The following SEMA3D variants were observed in gnomAD, a reference collection of about 807,000 sequenced individuals.
SEMA3D encodes the protein semaphorin-3D.
SEMA3D carries 84 observed loss-of-function variants against 100.1 expected under a neutral mutation model. The ratio of observed to expected loss-of-function variants is 0.84; its 90% CI spans 0.70 to 1.01. SEMA3D has a LOEUF of 1.01. SEMA3D is among the 50% of genes least tolerant of loss of function. SEMA3D has a pLI of 0.00. For missense variants in SEMA3D, 875 were observed against 934.1 expected (o/e 0.94, Z 0.82); for synonymous variants, 312 against 320.7 (o/e 0.97, Z 0.29).
rs534412425 is a variant in SEMA3D at position 85,052,338 on chromosome 7, T to C, written c.861+3379A>G. 2.6e-4 allele frequency among the ~76,000 whole-genome samples: 40 copies of C among 152,064 alleles called. No homozygotes were observed. The East Asian group carries it at 4.1e-3, about 15-fold the overall frequency. ...AGGATAGAGTTCACACTGACTAACATGGAAACAAAACTTCTTATCAACCAA... is the reference window on the plus strand; with the variant it reads ...AGGATAGAGTTCACACTGACTAACACGGAAACAAAACTTCTTATCAACCAA... On this transcript the variant is annotated intron_variant, in intron 9 of 18. Coordinates refer to ENST00000284136, the MANE Select transcript of SEMA3D (RefSeq NM_001384900.1).
At chr7:85,077,342 A>G (rs570310805) in intron 5 of SEMA3D, among the ~76,000 whole-genome samples, 3 of 152,164 alleles carry the variant, frequency 2.0e-5, no homozygotes, top group Non-Finnish European at 4.4e-5. Context: ...ATAAAGTGAT[A>G]AAGAATATGT....
chr7:85,189,471 G>A (rs1429112661), upstream of SEMA3D, among the ~76,000 whole-genome samples: 19 of 151,952 alleles, frequency 1.3e-4, no homozygotes, highest in South Asian at 2.3e-3. Flanking sequence ...AAACCCAGTG[G>A]GAAAAAAAGT....
At chr7:85,183,432 A>G (rs1583997315) in intron 1 of SEMA3D, among the ~76,000 whole-genome samples, 1 of 152,324 alleles carries the variant, frequency 6.6e-6, no homozygotes, top group East Asian at 1.9e-4. Context: ...CTCAAGTTCA[A>G]ACCTGAAGTC....
At chr7:85,112,798 T>C (rs1583934948) in intron 3 of SEMA3D, among the ~76,000 whole-genome samples, 2 of 152,210 alleles carry the variant, frequency 1.3e-5, no homozygotes, top group Admixed American at 1.3e-4. Context: ...TAGCACTGTC[T>C]GAAATGATAT....
At chr7:85,131,269 T>C (rs1373119799) in intron 2 of SEMA3D, among the ~76,000 whole-genome samples, 1 of 152,060 alleles carries the variant, frequency 6.6e-6, no homozygotes, top group African/African-American at 2.4e-5. Context: ...AAAATAATTT[T>C]AATTCTTTGA....
chr7:85,004,543 T>C (rs1003810660), intron 18 of SEMA3D, among the ~76,000 whole-genome samples: 1 of 152,066 alleles, frequency 6.6e-6, no homozygotes, highest in African/African-American at 2.4e-5. Flanking sequence ...AACTGACTCA[T>C]GACCTCCCGT....
chr7:85,168,705 C>G (rs1031289511), intron 1 of SEMA3D, among the ~76,000 whole-genome samples: 1 of 149,324 alleles, frequency 6.7e-6, no homozygotes, highest in African/African-American at 2.5e-5. Context: ...AGAGCTATTC[C>G]CCTCTGAACA....
chr7:85,085,587 T>A (rs1009343544), intron 4 of SEMA3D, among the ~76,000 whole-genome samples: 3 of 152,136 alleles, frequency 2.0e-5, no homozygotes, highest in Non-Finnish European at 4.4e-5. Flanking sequence ...AGCCAAGGCA[T>A]CAAATTGAGG....
chr7:85,141,584 G>T, intron 2 of SEMA3D: 1 of 984,196 alleles, frequency 1.0e-6, no homozygotes, highest in Non-Finnish European at 1.2e-6. Flanking sequence ...AATTACTTAA[G>T]TTCCCTTCTT....
Position 84,999,507 on chromosome 7 carries a change from A to T in SEMA3D, c.2267T>A (p.Met756Lys). Residue 756 changes from methionine to lysine, a missense_variant, in exon 19 of 19, where the codon ATG becomes AAG. By Grantham distance (95) the Met-to-Lys change is moderately conservative. Transcript: ENST00000284136. ...GGPKWKHMQE[M>K]KKKRNRRHHR... ...ATGTCTTCGATTTCGTTTCTTCTTC[A>T]TTTCCTGCATGTGCTTCCACTTTGG... is the stretch of plus-strand genomic sequence containing the variant. 1 of 1,613,898 alleles carries T rather than the reference A, an allele frequency of 6.2e-7. No homozygotes were observed. The highest frequency in any genetic ancestry group is 8.5e-7 in the Non-Finnish European group (1 of 1,179,994).
chr7:85,171,837 ATTGAC>A (rs1434758129), intron 1 of SEMA3D, among the ~76,000 whole-genome samples: 1 of 152,018 alleles, frequency 6.6e-6, no homozygotes, highest in Non-Finnish European at 1.5e-5. Context: ...TGAACTTTGA[ATTGAC>A]TTGACTCAGT....
chr7:85,225,685 G>A, the SEMA3D span, among the ~76,000 whole-genome samples: 4 of 152,050 alleles, frequency 2.6e-5, no homozygotes, highest in South Asian at 4.2e-4. Context: ...TGTAACACAC[G>A]CCCACTGGGG....
Position 85,046,602 on chromosome 7 carries a change from A to G in SEMA3D, c.862-4317T>C, listed in dbSNP as rs79664440. On this transcript the variant is annotated intron_variant, in intron 9 of 18. Coordinates refer to ENST00000284136, the MANE Select transcript of SEMA3D (RefSeq NM_001384900.1). The stretch of plus-strand genomic sequence containing the variant: ...ACTCAGGAATGGATTATAAGCATTT[A>G]ATGACTGGATAGTAACTCTTACAGA... Among the ~76,000 whole-genome samples the G allele has an allele frequency of 8.3e-3, 1,267 of 152,076 alleles. 18 individuals carry two copies. The highest frequency in any genetic ancestry group is 0.029 in the African/African-American group (1,193 of 41,536).
chr7:85,061,345 G>T (rs1791472748), intron 8 of SEMA3D, among the ~76,000 whole-genome samples: 2 of 152,100 alleles, frequency 1.3e-5, no homozygotes, highest in African/African-American at 2.4e-5. Flanking sequence ...CTGTTAAGTG[G>T]TTAGCTGATC....
chr7:85,118,750 C>T (rs1341954593), intron 3 of SEMA3D, among the ~76,000 whole-genome samples: 2 of 152,132 alleles, frequency 1.3e-5, no homozygotes, highest in African/African-American at 4.8e-5. Flanking sequence ...AACTCACTGT[C>T]AACTGTTGAC....
At chr7:85,157,445 C>G (rs963295593) in intron 1 of SEMA3D, among the ~76,000 whole-genome samples, 4 of 152,068 alleles carry the variant, frequency 2.6e-5, no homozygotes, top group African/African-American at 7.2e-5. Flanking sequence ...TTAACCAGCT[C>G]CCCATTGTAC....
intron 3 of SEMA3D, among the ~76,000 whole-genome samples, chr7:85,101,405 C>T (rs1258838931): frequency 6.6e-6 from 1 of 151,948 alleles, no homozygotes; most frequent in Non-Finnish European, 1.5e-5. Flanking sequence ...AATATTACTT[C>T]TCATAATGAG....
In SEMA3D at chr7:85,065,551, A is replaced by G. The variant is rs774514624; in HGVS notation, c.591T>C (p.Asp197=). ...PQQPFASVMT[D]EYLYSGTASD... ...AAGCTGTTCCAGAGTAGAGGTACTC[A>G]TCTGAGAGGGAGAAAAAAGTACACA... Residue 197 remains aspartate, a splice_region_variant and synonymous_variant, in exon 8 of 19, where the codon GAT becomes GAC. Coordinates refer to ENST00000284136, the MANE Select transcript of SEMA3D (RefSeq NM_001384900.1). The G allele has an allele frequency of 1.2e-6, 2 of 1,612,528 alleles. No individual in the cohort carries two copies. Among genetic ancestry groups the G allele is most frequent in the South Asian group, 2.2e-5 (2 of 91,026 alleles).
At chr7:85,211,604 A>C in the SEMA3D span, among the ~76,000 whole-genome samples, 13 of 152,210 alleles carry the variant, frequency 8.5e-5, no homozygotes, top group South Asian at 2.3e-3. Flanking sequence ...AATGCATGAA[A>C]GGCTTCAGAA....
Sources: allele counts gnomAD v4.1 joint callset (sites outside exome capture counted in the v4.1 genomes callset), GRCh38; gene constraint gnomAD v4.1.1; transcripts MANE v1.5; gene names NCBI Gene and HGNC (gene_info 2026-07-23, HGNC 2026-07-21).